Variants in SHANK2 observed in about 807,000 individuals in gnomAD.
SHANK2 encodes the protein SH3 and multiple ankyrin repeat domains 2.
Under a neutral mutation model 133.7 loss-of-function variants are expected in SHANK2, and 43 were observed. The ratio of observed to expected loss-of-function variants is 0.32; its 90% CI spans 0.25 to 0.41. The LOEUF is 0.41. SHANK2 is among the 10% of genes least tolerant of loss of function. The pLI is 1.00. For missense variants in SHANK2, 1,994 were observed against 2,235.8 expected, an observed-to-expected ratio of 0.89 and a Z score of 2.18; for synonymous variants, 1,017 against 952.8, an observed-to-expected ratio of 1.07 and a Z score of -1.24.
chr11:70,809,399 T>A (rs1555052734), intron 12 of SHANK2, among the ~76,000 whole-genome samples: 1 of 152,206 alleles, frequency 6.6e-6, no homozygotes, highest in Non-Finnish European at 1.5e-5. Flanking sequence ...TAGAAGCGGA[T>A]GTGACTACCC....
At chr11:70,766,431 G>T (rs782219205) in intron 14 of SHANK2, among the ~76,000 whole-genome samples, 2 of 152,208 alleles carry the variant, frequency 1.3e-5, no homozygotes, top group South Asian at 2.1e-4. Flanking sequence ...CTGGCTGGGA[G>T]GAAGGAGAAG....
chr11:70,506,862 C>T (rs1318295273), intron 17 of SHANK2, among the ~76,000 whole-genome samples: 1 of 152,128 alleles, frequency 6.6e-6, no homozygotes, highest in South Asian at 2.1e-4. Flanking sequence ...GGCTTCCTGC[C>T]CTGGCAAGCA....
chr11:71,177,179 G>T (rs1555113218), intron 2 of SHANK2, among the ~76,000 whole-genome samples: 1 of 152,130 alleles, frequency 6.6e-6, no homozygotes, highest in African/African-American at 2.4e-5. Flanking sequence ...AATGTTAATA[G>T]AAATTCTTGA....
chr11:71,108,690 G>T (rs1354023645), intron 6 of SHANK2, among the ~76,000 whole-genome samples: 2 of 152,194 alleles, frequency 1.3e-5, no homozygotes, highest in Non-Finnish European at 2.9e-5. Flanking sequence ...CTGCTCAGCT[G>T]TAGCCAGGCA....
Position 70,502,100 on chromosome 11 carries a change from G to T in SHANK2, c.2278+106C>A, listed in dbSNP as rs568687126. Reference sequence around the variant, plus strand: ...CACGTCTGGGTACAGGGGCAGGAGGGGGGTAGCGAGCAAGCGTGGGGTCAT... The same window carrying T: ...CACGTCTGGGTACAGGGGCAGGAGGTGGGTAGCGAGCAAGCGTGGGGTCAT... On this transcript the variant is annotated intron_variant, in intron 19 of 25. Coordinates refer to ENST00000601538, the MANE Select transcript of SHANK2 (RefSeq NM_012309.5). 294 of 1,353,514 alleles carry T rather than the reference G, an allele frequency of 2.2e-4. No individual in the cohort carries two copies. In the Middle Eastern group the frequency reaches 3.7e-3, roughly 17 times the overall value. The allele number at this position is 1,353,514 out of a possible 1,614,324, so 83.8% of individuals were successfully genotyped here. A position where few individuals can be genotyped will look rare whatever the true frequency, so the allele number is the denominator to read the frequency against.
At chr11:70,685,132 G>C (rs1555019196) in intron 15 of SHANK2, among the ~76,000 whole-genome samples, 2 of 151,956 alleles carry the variant, frequency 1.3e-5, no homozygotes, top group Admixed American at 1.3e-4. Context: ...CTTCCCATCT[G>C]ACAGTCCCAG....
intron 1 of SHANK2, among the ~76,000 whole-genome samples, chr11:71,251,173 C>A (rs1030358620): frequency 1.3e-5 from 2 of 151,878 alleles, no homozygotes; most frequent in South Asian, 2.1e-4. Flanking sequence ...TTTAAAAGAT[C>A]GGCTGCGAAA....
rs113237943 is a variant in SHANK2, at chr11:71,105,966, C to T, written c.592+3975G>A. 4.8e-3 allele frequency among the ~76,000 whole-genome samples: 735 copies of T among 152,268 alleles called. 4 individuals carry two copies. Among genetic ancestry groups the T allele is most frequent in the African/African-American group, 0.017 (700 of 41,554 alleles). ...GTACTTGAGGATCACTACTGGGTTA[C>T]GACTCCAAGCGTGAACCTTCATGTA... is the stretch of plus-strand genomic sequence containing the variant. On this transcript the variant is annotated intron_variant, in intron 6 of 25. Transcript: ENST00000601538.
intron 17 of SHANK2, among the ~76,000 whole-genome samples, chr11:70,606,735 G>A (rs1450107930): frequency 3.3e-5 from 5 of 152,104 alleles, no homozygotes; most frequent in African/African-American, 1.2e-4. Flanking sequence ...CTGCCCAGGT[G>A]CAAGATGGAA....
chr11:70,865,640 TC>T (rs1949344234), intron 11 of SHANK2, among the ~76,000 whole-genome samples: 2 of 152,050 alleles, frequency 1.3e-5, no homozygotes, highest in Non-Finnish European at 2.9e-5. Context: ...CAAGCATCCA[TC>T]TCCAAAATTG....
At chr11:71,181,654 G>A (rs1555113777) in intron 2 of SHANK2, among the ~76,000 whole-genome samples, 1 of 152,042 alleles carries the variant, frequency 6.6e-6, no homozygotes. Flanking sequence ...CAAGGCGCCC[G>A]CTCATGGTGA....
intron 2 of SHANK2, among the ~76,000 whole-genome samples, chr11:71,155,844 TC>T (rs1299279882): frequency 6.6e-6 from 1 of 152,054 alleles, no homozygotes; most frequent in East Asian, 1.9e-4. Context: ...CTGAACTGTG[TC>T]CCCTGCTCAA....
At chr11:70,815,940 C>T (rs1224319829) in intron 12 of SHANK2, among the ~76,000 whole-genome samples, 1 of 152,230 alleles carries the variant, frequency 6.6e-6, no homozygotes, top group Non-Finnish European at 1.5e-5. Flanking sequence ...CGCCTCCCTG[C>T]CCAGGACAGT....
intron 12 of SHANK2, among the ~76,000 whole-genome samples, chr11:70,809,142 A>G (rs1481026423): frequency 6.6e-6 from 1 of 152,214 alleles, no homozygotes; most frequent in South Asian, 2.1e-4. Flanking sequence ...AGTTGGCCAG[A>G]AATTCAGGAC....
chr11:71,205,783 G>A (rs1954115255), intron 2 of SHANK2, among the ~76,000 whole-genome samples: 1 of 152,164 alleles, frequency 6.6e-6, no homozygotes, highest in Non-Finnish European at 1.5e-5. Context: ...TTGGTGGCAG[G>A]GGGGTGGCAG....
intron 3 of SHANK2, among the ~76,000 whole-genome samples, chr11:71,120,111 C>T (rs1952056096): frequency 6.6e-6 from 1 of 152,144 alleles, no homozygotes; most frequent in African/African-American, 2.4e-5. Flanking sequence ...TCAACAGGGC[C>T]TGCAAACCAA....
chr11:71,070,685 A>C (rs1022959879), intron 9 of SHANK2, among the ~76,000 whole-genome samples: 9,367 of 152,322 alleles, frequency 0.061, 964 homozygotes, highest in African/African-American at 0.21. Flanking sequence ...CTGTTTTGTA[A>C]ATAAAGTTTT....
At chr11:70,719,124 C>T (rs1555028300) in intron 14 of SHANK2, among the ~76,000 whole-genome samples, 1 of 152,228 alleles carries the variant, frequency 6.6e-6, no homozygotes, top group Non-Finnish European at 1.5e-5. Context: ...GCAAGCTCGC[C>T]GTGGCGCAGT....
chr11:70,582,101 G>A (rs868925405), intron 17 of SHANK2, among the ~76,000 whole-genome samples: 8 of 152,340 alleles, frequency 5.3e-5, no homozygotes, highest in South Asian at 2.1e-4. Context: ...AGGAGGGGTT[G>A]GCCTGGGGAG....
Sources: gnomAD v4.1 joint callset for allele counts (sites outside exome capture counted in the v4.1 genomes callset) on GRCh38, gnomAD v4.1.1 for gene constraint, MANE v1.5 for transcripts, NCBI Gene and HGNC (gene_info 2026-07-23, HGNC 2026-07-21) for gene names.